The following CDH13 variants were observed in gnomAD, a reference collection of about 807,000 sequenced individuals.
CDH13 encodes cadherin-13.
In CDH13, 24 loss-of-function variants were observed where a neutral mutation model predicts 63.8. The ratio of observed to expected loss-of-function variants is 0.38; its 90% confidence interval spans 0.27 to 0.53. CDH13 has a LOEUF of 0.53. CDH13 is among the 20% of genes least tolerant of loss of function. The pLI is 0.85. For missense variants in CDH13, 1,049 were observed against 903.1 expected, an observed-to-expected ratio of 1.16 and a Z score of -2.07; for synonymous variants, 503 against 355.3, an observed-to-expected ratio of 1.42 and a Z score of -4.67.
intron 2 of CDH13, among the ~76,000 whole-genome samples, chr16:83,004,935 C>G (rs560820029): frequency 1.8e-4 from 28 of 152,296 alleles, no homozygotes; most frequent in Admixed American, 4.6e-4. Flanking sequence ...TTCCTACCTC[C>G]TGCACCATAG....
At chr16:83,487,839 T>C (rs2073926033) in intron 7 of CDH13, among the ~76,000 whole-genome samples, 1 of 152,128 alleles carries the variant, frequency 6.6e-6, no homozygotes, top group African/African-American at 2.4e-5. Context: ...TTCCTCTGCT[T>C]TCTCCTCTCT....
At chr16:82,806,834 A>G (rs2037168145) in intron 1 of CDH13, among the ~76,000 whole-genome samples, 2 of 152,310 alleles carry the variant, frequency 1.3e-5, no homozygotes, top group Admixed American at 6.5e-5. Flanking sequence ...TCATTCTACC[A>G]TAAAGAAGGA....
At chr16:82,962,236 G>C (rs1597305883) in intron 2 of CDH13, among the ~76,000 whole-genome samples, 1 of 152,168 alleles carries the variant, frequency 6.6e-6, no homozygotes, top group Non-Finnish European at 1.5e-5. Flanking sequence ...ACAGGGGAGA[G>C]GGTGATATAA....
intron 5 of CDH13, among the ~76,000 whole-genome samples, chr16:83,282,140 A>G (rs551513487): frequency 5.6e-4 from 86 of 152,278 alleles, no homozygotes; most frequent in African/African-American, 1.9e-3. Context: ...CATACACCAC[A>G]TTTATCAATT....
intron 2 of CDH13, among the ~76,000 whole-genome samples, chr16:82,865,851 C>G (rs891311933): frequency 2.0e-5 from 3 of 152,160 alleles, no homozygotes; most frequent in Non-Finnish European, 4.4e-5. Context: ...ATTTTCCAAA[C>G]TTTTATGCTG....
intron 1 of CDH13, among the ~76,000 whole-genome samples, chr16:82,677,696 A>G (rs998158520): frequency 6.6e-5 from 10 of 152,270 alleles, no homozygotes; most frequent in East Asian, 1.9e-4. Context: ...AAGGTGTACA[A>G]TAGCACTGAC....
intron 5 of CDH13, among the ~76,000 whole-genome samples, chr16:83,308,732 C>A (rs2089935198): frequency 6.6e-6 from 1 of 152,148 alleles, no homozygotes; most frequent in Admixed American, 6.5e-5. Flanking sequence ...ACCGCCGTCT[C>A]CATATGTGGG....
At chr16:83,621,640 C>T (rs545712073) in intron 8 of CDH13, among the ~76,000 whole-genome samples, 17 of 151,918 alleles carry the variant, frequency 1.1e-4, no homozygotes, top group African/African-American at 4.1e-4. Flanking sequence ...GCATGTGCCA[C>T]CATACCCGGC....
At chr16:82,660,200 G>A (rs1911771291) in intron 1 of CDH13, among the ~76,000 whole-genome samples, 1 of 152,138 alleles carries the variant, frequency 6.6e-6, no homozygotes, top group South Asian at 2.1e-4. Flanking sequence ...CGGGAACCAG[G>A]GAATCTCAAC....
At chr16:82,905,435 G>A (rs1435912382) in intron 2 of CDH13, among the ~76,000 whole-genome samples, 5 of 64,090 alleles carry the variant, frequency 7.8e-5, no homozygotes, top group African/African-American at 3.5e-4. Flanking sequence ...AATCACACGT[G>A]TGTGTGTGTG....
intron 5 of CDH13, among the ~76,000 whole-genome samples, chr16:83,287,853 A>G (rs1236920471): frequency 6.6e-6 from 1 of 152,206 alleles, no homozygotes; most frequent in Non-Finnish European, 1.5e-5. Flanking sequence ...GAGTGATAGC[A>G]TTGTAATGTA....
intron 5 of CDH13, among the ~76,000 whole-genome samples, chr16:83,312,035 G>A (rs1168594368): frequency 7.5e-6 from 1 of 133,478 alleles, no homozygotes; most frequent in Non-Finnish European, 1.5e-5. Flanking sequence ...ATTGTGCATT[G>A]CACTCCAGCC....
intron 2 of CDH13, among the ~76,000 whole-genome samples, chr16:82,988,437 G>A (rs1036755917): frequency 8.6e-5 from 13 of 152,020 alleles, no homozygotes; most frequent in African/African-American, 3.1e-4. Context: ...GAAGAACGTG[G>A]AAGCTTCTAG....
rs529308284 is a variant in CDH13, at chr16:83,579,491, G to A, written c.961-22963G>A. On this transcript the variant is annotated intron_variant, in intron 7 of 13. Transcript: ENST00000567109. ...AAGGAGGAAGAGAGAGAAGGGGGAG[G>A]CACTACACACTTTTAAACAACCAGA... Among the ~76,000 whole-genome samples the A allele has an allele frequency of 9.9e-5, 15 of 151,992 alleles. No homozygotes were observed. The South Asian group carries it at 3.1e-3, about 32-fold the overall frequency.
intron 1 of CDH13, among the ~76,000 whole-genome samples, chr16:82,843,215 G>A (rs2039107807): frequency 1.3e-5 from 2 of 152,150 alleles, no homozygotes; most frequent in Non-Finnish European, 1.5e-5. Flanking sequence ...TTGCCTTTTT[G>A]TGTATATTGA....
chr16:83,730,052 C>T (rs564284390), intron 10 of CDH13, among the ~76,000 whole-genome samples: 1 of 152,332 alleles, frequency 6.6e-6, no homozygotes, highest in Admixed American at 6.5e-5. Context: ...TAAAGATTTA[C>T]TTCGTATGTG....
chr16:83,118,883 C>G (rs1354318125), intron 3 of CDH13, among the ~76,000 whole-genome samples: 1 of 152,172 alleles, frequency 6.6e-6, no homozygotes, highest in Admixed American at 6.5e-5. Context: ...CATCTTCATT[C>G]ATTCTGTGTT....
chr16:82,769,785 A>G (rs1224801927), intron 1 of CDH13, among the ~76,000 whole-genome samples: 1 of 152,240 alleles, frequency 6.6e-6, no homozygotes, highest in Non-Finnish European at 1.5e-5. Context: ...CTAATGCATC[A>G]GCAAGAACAC....
chr16:83,765,849 A>G (rs1259410858), intron 11 of CDH13, among the ~76,000 whole-genome samples: 1 of 151,606 alleles, frequency 6.6e-6, no homozygotes, highest in South Asian at 2.1e-4. Flanking sequence ...GCTCACTCTC[A>G]GTTTTAAAGC....
Sources: allele counts gnomAD v4.1 joint callset (sites outside exome capture counted in the v4.1 genomes callset), GRCh38; gene constraint gnomAD v4.1.1; transcripts MANE v1.5; gene names NCBI Gene and HGNC (gene_info 2026-07-23, HGNC 2026-07-21).